Variants in JAK2 observed in about 807,000 individuals in gnomAD.
The protein encoded by JAK2 is tyrosine-protein kinase JAK2.
A neutral mutation model predicts 139.3 loss-of-function variants in JAK2; 86 were observed. That is an observed-to-expected ratio of 0.62 (90% CI 0.52 to 0.74). JAK2 has a LOEUF of 0.74. JAK2 is among the 30% of genes least tolerant of loss of function. The pLI is 0.00. For missense variants in JAK2, 1,421 were observed against 1,360.3 expected (o/e 1.04, Z -0.70); for synonymous variants, 490 against 437.7 (o/e 1.12, Z -1.49).
intron 3 of JAK2, among the ~76,000 whole-genome samples, chr9:5,024,950 G>A (rs1335685802): frequency 1.3e-5 from 2 of 152,164 alleles, no homozygotes; most frequent in Admixed American, 6.5e-5. Context: ...GCTTAACTAG[G>A]GGGAGTGGAG....
At chr9:5,055,182 CAG>C (rs753564701) in intron 7 of JAK2, among the ~76,000 whole-genome samples, 6 of 151,872 alleles carry the variant, frequency 4.0e-5, no homozygotes, top group Non-Finnish European at 7.4e-5. Context: ...CTAGTGATAA[CAG>C]AAGGCATAAT....
chr9:5,042,198 C>T (rs1425717194), intron 4 of JAK2, among the ~76,000 whole-genome samples: 6 of 142,232 alleles, frequency 4.2e-5, no homozygotes, highest in South Asian at 2.2e-4. Context: ...ACTGCAGTGG[C>T]GCAATCTCGG....
At chr9:5,091,921 G>C (rs1216282989) in intron 22 of JAK2, among the ~76,000 whole-genome samples, 1 of 152,114 alleles carries the variant, frequency 6.6e-6, no homozygotes, top group East Asian at 1.9e-4. Context: ...GCTTTAGGTG[G>C]AGTGGTATAG....
chr9:5,043,037 T>G (rs867358739), intron 4 of JAK2, among the ~76,000 whole-genome samples: 4 of 152,156 alleles, frequency 2.6e-5, no homozygotes, highest in African/African-American at 7.2e-5. Flanking sequence ...CCCTGCTGTG[T>G]GGAGGCGCGC....
chr9:5,120,918 G>C (rs1823568367), intron 22 of JAK2, among the ~76,000 whole-genome samples: 1 of 152,136 alleles, frequency 6.6e-6, no homozygotes, highest in African/African-American at 2.4e-5. Flanking sequence ...AATTCTGTTT[G>C]CCTATAGATC....
At chr9:5,094,929 C>A (rs1820870299) in intron 22 of JAK2, 1 of 152,128 alleles carries the variant, frequency 6.6e-6, no homozygotes, top group Admixed American at 6.6e-5. Flanking sequence ...ACTCATATAC[C>A]TTTTATGAAA....
In JAK2 at chr9:5,054,924, A is replaced by G; in HGVS notation, c.936+40A>G. 4 of 1,388,048 alleles carry G rather than the reference A, an allele frequency of 2.9e-6. No homozygotes were observed. The highest frequency in any genetic ancestry group is 1.5e-5 in the African/African-American group (1 of 68,394). 86.0% of individuals were successfully genotyped at this position (1,388,048 alleles called of 1,614,324 possible). A position where few individuals can be genotyped will look rare whatever the true frequency, so the allele number is the denominator to read the frequency against. On this transcript the variant is annotated intron_variant, in intron 7 of 24. Coordinates refer to ENST00000381652, the MANE Select transcript of JAK2 (RefSeq NM_004972.4). The surrounding 1 kb of genome is among the most constrained non-coding windows in gnomAD (Gnocchi z 4.9). ...TATGTTCTTGTTCTTTGTTATTTTAAGTACAATGGAAATAAAAACAAAGTA... is the reference window on the plus strand; with the variant it reads ...TATGTTCTTGTTCTTTGTTATTTTAGGTACAATGGAAATAAAAACAAAGTA...
At position 5,129,419 on chromosome 9, in the gene JAK2, G is replaced by C. The variant is rs986894273; in HGVS notation, c.*2628G>C. Among the ~76,000 whole-genome samples the C allele has an allele frequency of 5.9e-5, 9 of 152,042 alleles. No homozygotes were observed. The highest frequency in any genetic ancestry group is 2.9e-5 in the Non-Finnish European group (2 of 67,952). On this transcript the variant is annotated 3_prime_UTR_variant, in exon 25 of 25. Coordinates refer to ENST00000381652, the MANE Select transcript of JAK2 (RefSeq NM_004972.4). Reference sequence around the variant, plus strand: ...TACAACTGCTGTCAACCACTGTATTGTCTTTAATGAACACTGTTGTATCCC... The same window carrying C: ...TACAACTGCTGTCAACCACTGTATTCTCTTTAATGAACACTGTTGTATCCC...
intron 22 of JAK2, chr9:5,091,690 G>A (rs914826324): frequency 3.3e-5 from 5 of 152,214 alleles, no homozygotes; most frequent in South Asian, 4.1e-4. Context: ...ATGGTTTTTG[G>A]TATAGACTTT....
chr9:5,074,915 A>C (rs76884370), intron 14 of JAK2, among the ~76,000 whole-genome samples: 13,105 of 152,262 alleles, frequency 0.086, 1,739 homozygotes, highest in African/African-American at 0.29. Context: ...TTATGAATCC[A>C]AAGGAAAAGT....
At chr9:5,060,182 C>G (rs1294148476) in intron 8 of JAK2, among the ~76,000 whole-genome samples, 3 of 152,092 alleles carry the variant, frequency 2.0e-5, no homozygotes, top group Non-Finnish European at 4.4e-5. Flanking sequence ...ATCTGAGCCT[C>G]CAGAGAGTTA....
At chr9:5,092,457 CACA>C (rs1820659799) in intron 22 of JAK2, among the ~76,000 whole-genome samples, 1 of 152,178 alleles carries the variant, frequency 6.6e-6, no homozygotes, top group Non-Finnish European at 1.5e-5. Flanking sequence ...AAGATTTCAT[CACA>C]ACCTGGTCAC....
chr9:5,126,240 T>C, intron 23 of JAK2, 93 bp from the exon 24 acceptor site: 2 of 774,982 alleles, frequency 2.6e-6, no homozygotes, highest in Non-Finnish European at 4.3e-6. Context: ...AGCACACATA[T>C]ACTAAATTTT....
At chr9:5,058,056 TCATGTATATAC>T in intron 8 of JAK2, among the ~76,000 whole-genome samples, 1 of 152,316 alleles carries the variant, frequency 6.6e-6, no homozygotes, top group East Asian at 1.9e-4. Context: ...GTATTCTGTG[TCATGTATATAC>T]CACATTTGTT....
intron 22 of JAK2, among the ~76,000 whole-genome samples, chr9:5,107,129 A>T (rs1822028025): frequency 6.6e-6 from 1 of 152,126 alleles, no homozygotes; most frequent in Non-Finnish European, 1.5e-5. Context: ...CTATTCTTAT[A>T]TGTCTCTATC....
intron 22 of JAK2, among the ~76,000 whole-genome samples, chr9:5,106,256 T>G (rs2130773734): frequency 6.6e-6 from 1 of 152,290 alleles, no homozygotes; most frequent in African/African-American, 2.4e-5. Flanking sequence ...CAGACACTTC[T>G]CAAAAGAAGG....
At chr9:4,996,446 C>G (rs1820566290) in intron 2 of JAK2, among the ~76,000 whole-genome samples, 1 of 151,482 alleles carries the variant, frequency 6.6e-6, no homozygotes, top group Non-Finnish European at 1.5e-5. Context: ...GAAACTCTGT[C>G]TCAAAAAATA....
chr9:5,006,743 T>G (rs11999928), intron 2 of JAK2, among the ~76,000 whole-genome samples: 52,649 of 151,994 alleles, frequency 0.35, 9,848 homozygotes, highest in African/African-American at 0.49. Flanking sequence ...CATGACCCAG[T>G]CACCTCTCAC....
chr9:5,025,549 T>G (rs1822727577), intron 3 of JAK2, among the ~76,000 whole-genome samples: 1 of 151,726 alleles, frequency 6.6e-6, no homozygotes, highest in Non-Finnish European at 1.5e-5. Flanking sequence ...TTTTTTTTTT[T>G]TTGAGACTGA....
Sources: allele counts gnomAD v4.1 joint callset (sites outside exome capture counted in the v4.1 genomes callset), GRCh38; gene constraint gnomAD v4.1.1; non-coding constraint Gnocchi (gnomAD v3.1); transcripts MANE v1.5; gene names NCBI Gene and HGNC (gene_info 2026-07-23, HGNC 2026-07-21).